TACC2: variants seen among roughly 807,000 people sequenced by gnomAD.
The protein encoded by TACC2 is transforming acidic coiled-coil containing protein 2, also known as transforming acidic coiled-coil-containing protein 2.
Under a neutral mutation model 227.3 loss-of-function variants are expected in TACC2, and 137 were observed. The ratio of observed to expected loss-of-function variants is 0.60; its 90% CI spans 0.52 to 0.69. The LOEUF (loss-of-function observed/expected upper bound fraction) is 0.69, where lower values mean the gene tolerates loss of function less well. TACC2 is among the 30% of genes least tolerant of loss of function. The pLI is 0.00. For synonymous variants in TACC2, 1,523 were observed against 1,487.5 expected, an observed-to-expected ratio of 1.02 and a Z score of -0.55; for missense variants, 3,470 against 3,694.4, an observed-to-expected ratio of 0.94 and a Z score of 1.57.
At chr10:122,129,289 CT>C (rs71026003) in intron 5 of TACC2, among the ~76,000 whole-genome samples, 2,391 of 152,110 alleles carry the variant, frequency 0.016, 38 homozygotes, top group South Asian at 0.028. Flanking sequence ...AACTCTTGAC[CT>C]CAGGTGATCC....
intron 5 of TACC2, among the ~76,000 whole-genome samples, chr10:122,091,751 T>G (rs1459025817): frequency 1.3e-5 from 2 of 152,074 alleles, no homozygotes; most frequent in African/African-American, 4.8e-5. Context: ...GGGGCTGTAC[T>G]TCCTAGGAGG....
At chr10:122,010,215 A>G (rs1342963190) in intron 1 of TACC2, among the ~76,000 whole-genome samples, 2 of 152,094 alleles carry the variant, frequency 1.3e-5, no homozygotes, top group Non-Finnish European at 2.9e-5. Context: ...TCATTCTGTC[A>G]TCCCTCTCCC....
At chr10:122,073,038 A>G (rs960493682) in intron 3 of TACC2, among the ~76,000 whole-genome samples, 32 of 142,922 alleles carry the variant, frequency 2.2e-4, no homozygotes, top group African/African-American at 7.0e-4. Flanking sequence ...GCTTGAACCC[A>G]GGAGGCGGAG....
rs2080001308 is a variant in TACC2, at chr10:122,085,516, C to T, written c.3016C>T (p.Gln1006Ter). The T allele has an allele frequency of 2.5e-6, 4 of 1,613,394 alleles. 1 individual carries two copies. The highest frequency in any genetic ancestry group is 3.3e-5 in the Admixed American group (2 of 60,010). Residue 1006 changes from glutamine (Q) to a stop codon, truncating the protein, a stop_gained, in exon 4 of 23, where the codon CAG becomes TAG. Coordinates refer to ENST00000369005, the MANE Select transcript of TACC2 (RefSeq NM_206862.4). LOFTEE classifies it high-confidence loss of function. ...ALADALEEGS[Q>*]HEEACQRHPG... ...GGCTGATGCCTTGGAAGAAGGCAGCCAGCATGAAGAAGCATGTCAAAGGCA... is the reference window on the plus strand; with the variant it reads ...GGCTGATGCCTTGGAAGAAGGCAGCTAGCATGAAGAAGCATGTCAAAGGCA...
chr10:122,226,651 C>A (rs2095635632), intron 13 of TACC2, among the ~76,000 whole-genome samples, 170 bp downstream of exon 13: 1 of 151,442 alleles, frequency 6.6e-6, no homozygotes, highest in South Asian at 2.1e-4. Context: ...GATGCCCAGG[C>A]TGGTTTCAAA....
chr10:121,991,875 A>G (rs534456062), intron 1 of TACC2, among the ~76,000 whole-genome samples: 3 of 152,330 alleles, frequency 2.0e-5, no homozygotes, highest in African/African-American at 7.2e-5. Flanking sequence ...AGGCCTCATA[A>G]TCATGGCAGG....
chr10:121,990,842 T>C (rs7922054), intron 1 of TACC2, among the ~76,000 whole-genome samples: 146,735 of 152,296 alleles, frequency 0.96, 70,738 homozygotes, highest in East Asian at 1. Context: ...GGCTGGAGTG[T>C]AGTGTTGCCT....
chr10:122,188,158 C>T (rs187038216), intron 7 of TACC2, among the ~76,000 whole-genome samples: 5 of 152,310 alleles, frequency 3.3e-5, no homozygotes, highest in African/African-American at 9.6e-5. Context: ...GAAGTTAAAC[C>T]GTGAGCTGAG....
rs542277941 is a variant in TACC2, at chr10:122,106,921, C to T, written c.5573+18330C>T. On this transcript the variant is annotated intron_variant, in intron 5 of 22. Transcript: ENST00000369005. The stretch of plus-strand genomic sequence containing the variant: ...GTGTGTGGCCAGATGCTCCCCTCAT[C>T]GTTTCAAGCTGGCTGCAGCAGCTCC... Among the ~76,000 whole-genome samples, 227 of 152,366 alleles carry T rather than the reference C, an allele frequency of 1.5e-3. 1 individual carries two copies. Among genetic ancestry groups the T allele is most frequent in the African/African-American group, 5.2e-3 (215 of 41,594 alleles).
chr10:122,139,660 G>A (rs773539773), intron 6 of TACC2, among the ~76,000 whole-genome samples: 5 of 152,082 alleles, frequency 3.3e-5, no homozygotes, highest in South Asian at 2.1e-4. Context: ...CTGAGTCTTC[G>A]GCCTTAACGC....
chr10:122,149,809 A>T (rs994632336), intron 7 of TACC2, among the ~76,000 whole-genome samples: 1 of 152,152 alleles, frequency 6.6e-6, no homozygotes, highest in African/African-American at 2.4e-5. Context: ...GCGCTGACCA[A>T]ACTGGGCTCT....
intron 7 of TACC2, among the ~76,000 whole-genome samples, chr10:122,164,509 C>A (rs2093032161): frequency 6.6e-6 from 1 of 152,214 alleles, no homozygotes. Flanking sequence ...AGGCCGCTTG[C>A]TATTATTAGT....
At chr10:122,215,584 G>A in intron 10 of TACC2, 133 bp downstream of exon 10, 1 of 767,644 alleles carries the variant, frequency 1.3e-6, no homozygotes, top group South Asian at 1.5e-5. Flanking sequence ...CTGTGTGGAG[G>A]GTCCCTCGAT....
Position 122,061,000 on chromosome 10 carries a change from CAAA to C in TACC2, c.146+10467_146+10469del, listed in dbSNP as rs1168443960. 7.0e-3 allele frequency among the ~76,000 whole-genome samples: 912 copies of C among 130,492 alleles called. 25 individuals are homozygous for C. Among genetic ancestry groups the C allele is most frequent in the Admixed American group, 0.056 (707 of 12,640 alleles). The allele number at this position is 130,492 out of a possible 152,430, so 85.6% of individuals were successfully genotyped here. A position where few individuals can be genotyped will look rare whatever the true frequency, so the allele number is the denominator to read the frequency against. On this transcript the variant is annotated intron_variant, in intron 3 of 22. Coordinates refer to ENST00000369005, the MANE Select transcript of TACC2 (RefSeq NM_206862.4). Reference sequence around the variant, plus strand: ...AGCCTGGGCAACAGAGACTCCATCTCAAAAAAAAAAAAAAAAAAAGGGGGGGGG... The same window carrying C: ...AGCCTGGGCAACAGAGACTCCATCTCAAAAAAAAAAAAAAAAGGGGGGGGG...
intron 3 of TACC2, among the ~76,000 whole-genome samples, chr10:122,064,826 A>G (rs75844064): frequency 0.032 from 4,943 of 152,170 alleles, 249 homozygotes; most frequent in African/African-American, 0.11. Context: ...TTTTATTGGT[A>G]TCAGATACAT....
At position 122,211,282 on chromosome 10, in the gene TACC2, C is replaced by T. The variant is rs1264979872; in HGVS notation, c.6857C>T (p.Thr2286Ile). ...AACCAGCAGGAAAACCCCCCTCCTA[C>T]CAAAAAGATAGGCAAAAAGCCAGTT... Reference protein sequence around the residue: ...WDNQQENPPPTKKIGKKPVAK... With the variant: ...WDNQQENPPPIKKIGKKPVAK... Residue 2286 changes from threonine to isoleucine, a missense_variant, in exon 9 of 23, where the codon ACC (threonine) becomes ATC (isoleucine). Thr to Ile is a moderately conservative substitution (Grantham distance 89, BLOSUM62 -1). This residue lies in a region of TACC2 where 593 missense variants were observed against 636.6 expected (regional missense o/e 0.93). Coordinates refer to ENST00000369005, the MANE Select transcript of TACC2 (RefSeq NM_206862.4). 6.2e-7 allele frequency: 1 copy of T among 1,614,058 alleles called. No homozygotes were observed. The highest frequency in any genetic ancestry group is 1.7e-5 in the Admixed American group (1 of 60,008).
chr10:122,096,695 CAAAA>C (rs57474527), intron 5 of TACC2, among the ~76,000 whole-genome samples: 1 of 116,034 alleles, frequency 8.6e-6, no homozygotes, highest in Non-Finnish European at 1.8e-5. Flanking sequence ...AACTCCGTCT[CAAAA>C]AAAAAAAAAA....
At chr10:122,212,310 C>A (rs2095311581) in intron 9 of TACC2, among the ~76,000 whole-genome samples, 1 of 152,172 alleles carries the variant, frequency 6.6e-6, no homozygotes, top group South Asian at 2.1e-4. Flanking sequence ...AAAGTCCCTG[C>A]AAGTTCTGAA....
chr10:122,114,491 C>T (rs1223694194), intron 5 of TACC2, among the ~76,000 whole-genome samples: 1 of 152,234 alleles, frequency 6.6e-6, no homozygotes, highest in African/African-American at 2.4e-5. Flanking sequence ...GCTTTCCCTT[C>T]TCAGGCCAGG....
Sources: allele counts gnomAD v4.1 joint callset (sites outside exome capture counted in the v4.1 genomes callset), GRCh38; gene constraint gnomAD v4.1.1; regional missense constraint gnomAD v4.1.1; transcripts MANE v1.5; gene names NCBI Gene and HGNC (gene_info 2026-07-23, HGNC 2026-07-21).